The following PCDH9 variants were observed in gnomAD, a reference collection of about 807,000 sequenced individuals.
The protein encoded by PCDH9 is protocadherin 9.
In PCDH9, 24 loss-of-function variants were observed where a neutral mutation model predicts 70.6. That is an observed-to-expected ratio of 0.34 (90% CI 0.25 to 0.48). The LOEUF (loss-of-function observed/expected upper bound fraction) is 0.48. PCDH9 is among the 20% of genes least tolerant of loss of function. The pLI is 0.99. For synonymous variants in PCDH9, 562 were observed against 558.5 expected (o/e 1.01, Z -0.09); for missense variants, 1,281 against 1,503.6 (o/e 0.85, Z 2.45).
intron 2 of PCDH9, chr13:67,205,243 A>T (rs2089309178): frequency 6.6e-6 from 1 of 152,200 alleles, no homozygotes; most frequent in Non-Finnish European, 1.5e-5. Context: ...TAACAGGTGA[A>T]TTTAACTTTC....
rs534421283 is a variant in PCDH9, at chr13:66,689,641, A to G, written c.3139-58230T>C. Among the ~76,000 whole-genome samples the G allele has an allele frequency of 9.2e-5, 14 of 152,260 alleles. No homozygotes were observed. In the East Asian group the frequency reaches 2.7e-3, roughly 29 times the overall value. ...CAATGAATTTCCATTGACAGAGCCT[A>G]CAGCTATCCTCTCAGAAATCATATA... On this transcript the variant is annotated intron_variant, in intron 3 of 4. Transcript: ENST00000377865.
intron 3 of PCDH9, among the ~76,000 whole-genome samples, chr13:66,689,432 C>T (rs933371722): frequency 6.6e-6 from 1 of 152,054 alleles, no homozygotes. Context: ...AGGGAAAAAG[C>T]GTGGAGTACA....
chr13:67,070,980 A>G (rs924050583), intron 2 of PCDH9, among the ~76,000 whole-genome samples: 6 of 152,128 alleles, frequency 3.9e-5, no homozygotes, highest in African/African-American at 1.4e-4. Flanking sequence ...TTTTGACAAA[A>G]TGCCATTCTA....
At chr13:66,691,382 C>T (rs2139084463) in intron 3 of PCDH9, among the ~76,000 whole-genome samples, 1 of 152,216 alleles carries the variant, frequency 6.6e-6, no homozygotes, top group South Asian at 2.1e-4. Flanking sequence ...CTTCCATTGA[C>T]ATAGTTAGAA....
chr13:66,648,919 T>C (rs1284726446), intron 3 of PCDH9, among the ~76,000 whole-genome samples: 2 of 152,014 alleles, frequency 1.3e-5, no homozygotes, highest in African/African-American at 4.8e-5. Context: ...GCAATTGACA[T>C]ACTAAACAAT....
intron 2 of PCDH9, among the ~76,000 whole-genome samples, chr13:67,154,595 A>C (rs200083592): frequency 2.2e-5 from 2 of 89,006 alleles, no homozygotes; most frequent in Admixed American, 1.3e-4. Context: ...AAAAAAAAAA[A>C]ATATATATAT....
chr13:67,136,594 T>C (rs942438769), intron 2 of PCDH9, among the ~76,000 whole-genome samples: 3 of 152,156 alleles, frequency 2.0e-5, no homozygotes, highest in South Asian at 2.1e-4. Flanking sequence ...ACTGGAAATA[T>C]AGGCTAGCTA....
intron 3 of PCDH9, among the ~76,000 whole-genome samples, chr13:66,634,323 C>T (rs2138944595): frequency 6.6e-6 from 1 of 152,274 alleles, no homozygotes; most frequent in Middle Eastern, 3.4e-3. Flanking sequence ...ACAAACCCAT[C>T]TTTATCATCA....
rs565106537 is a variant in PCDH9, at chr13:67,052,285, TA to T, written c.3037-148681del. ...AGAAAGTGGCACTAAGGTGAGAGTA[TA>T]AGTTAGCCCTTTAATAAGGGGTTAG... On this transcript the variant is annotated intron_variant, in intron 2 of 4. Transcript: ENST00000377865. Among the ~76,000 whole-genome samples the T allele has an allele frequency of 1.2e-4, 18 of 151,948 alleles. No homozygotes were observed. In the South Asian group the frequency reaches 3.7e-3, roughly 32 times the overall value.
intron 2 of PCDH9, among the ~76,000 whole-genome samples, chr13:66,953,760 C>T (rs2147344): frequency 0.98 from 149,529 of 152,248 alleles, 73,489 homozygotes; most frequent in East Asian, 1. Flanking sequence ...TTCACAGTAA[C>T]TGTACCTAGT....
In PCDH9 at chr13:66,920,943, T is replaced by G. The variant is rs531278348; in HGVS notation, c.3037-17338A>C. ...ATAGTAAAACCAGATTACAGATTTA[T>G]CCTCAAAATCTGCAACACTACCATT... is the stretch of plus-strand genomic sequence containing the variant. On this transcript the variant is annotated intron_variant, in intron 2 of 4. Coordinates refer to ENST00000377865, the MANE Select transcript of PCDH9 (RefSeq NM_203487.3). Among the ~76,000 whole-genome samples, 2 of 151,280 alleles carry G rather than the reference T, an allele frequency of 1.3e-5. 1 individual carries two copies. The highest frequency in any genetic ancestry group is 4.1e-4 in the South Asian group (2 of 4,830).
intron 4 of PCDH9, among the ~76,000 whole-genome samples, chr13:66,425,400 C>T (rs1472441552): frequency 2.0e-5 from 3 of 151,602 alleles, no homozygotes; most frequent in East Asian, 3.9e-4. Context: ...TTTCCTACAG[C>T]CTGCCAATAA....
chr13:66,698,567 C>T (rs2078593750), intron 3 of PCDH9, among the ~76,000 whole-genome samples: 1 of 151,938 alleles, frequency 6.6e-6, no homozygotes, highest in Admixed American at 6.6e-5. Context: ...GAAAGAATTC[C>T]TATTTTGTTT....
At chr13:66,528,229 A>G (rs1184577360) in intron 4 of PCDH9, among the ~76,000 whole-genome samples, 1 of 152,122 alleles carries the variant, frequency 6.6e-6, no homozygotes, top group East Asian at 1.9e-4. Context: ...TAATTTCCGA[A>G]AGATCCACCT....
chr13:67,032,589 A>C (rs1327865265), intron 2 of PCDH9, among the ~76,000 whole-genome samples: 1 of 152,214 alleles, frequency 6.6e-6, no homozygotes, highest in Non-Finnish European at 1.5e-5. Flanking sequence ...CCTTGTTCTA[A>C]GGTGCACATG....
intron 4 of PCDH9, among the ~76,000 whole-genome samples, chr13:66,458,218 A>G (rs1177256926): frequency 6.6e-6 from 1 of 152,002 alleles, no homozygotes; most frequent in African/African-American, 2.4e-5. Flanking sequence ...TGAAACTTGC[A>G]TATTATATAT....
At chr13:66,643,481 A>G (rs567437488) in intron 3 of PCDH9, among the ~76,000 whole-genome samples, 13 of 152,164 alleles carry the variant, frequency 8.5e-5, no homozygotes, top group African/African-American at 2.2e-4. Context: ...CCTACATTTC[A>G]GCGATAACCG....
At position 66,679,045 on chromosome 13, in the gene PCDH9, G is replaced by C. The variant is rs568457770; in HGVS notation, c.3139-47634C>G. Among the ~76,000 whole-genome samples, 51 of 151,438 alleles carry C rather than the reference G, an allele frequency of 3.4e-4. No individual in the cohort carries two copies. In the South Asian group the frequency reaches 3.5e-3, roughly 10 times the overall value. On this transcript the variant is annotated intron_variant, in intron 3 of 4. Transcript: ENST00000377865. ...CCCACCATTAATATTTTGAATGAGT[G>C]CTTATATTATATAAATAATACATAA...
chr13:66,915,926 CT>C (rs1323901261), intron 2 of PCDH9, among the ~76,000 whole-genome samples: 1 of 151,564 alleles, frequency 6.6e-6, no homozygotes, highest in African/African-American at 2.4e-5. Context: ...GAAAATTGTG[CT>C]TGCAAGTAAG....
Sources: gnomAD v4.1 joint callset for allele counts (sites outside exome capture counted in the v4.1 genomes callset) on GRCh38, gnomAD v4.1.1 for gene constraint, MANE v1.5 for transcripts, NCBI Gene and HGNC (gene_info 2026-07-23, HGNC 2026-07-21) for gene names.